CNNM1: variants seen among roughly 807,000 people sequenced by gnomAD.
CNNM1 encodes the protein metal transporter CNNM1.
Under a neutral mutation model 78.8 loss-of-function variants are expected in CNNM1, and 44 were observed. The ratio of observed to expected loss-of-function variants is 0.56; its 90% CI spans 0.44 to 0.72. The LOEUF (loss-of-function observed/expected upper bound fraction) is 0.72. Ranked by LOEUF, CNNM1 falls within the 30% of genes least tolerant of loss-of-function variation. CNNM1 has a pLI of 0.00. For synonymous variants in CNNM1, 584 were observed against 581.5 expected (o/e 1.00, Z -0.06); for missense variants, 1,101 against 1,292.2 (o/e 0.85, Z 2.27).
rs545600881 is a variant in CNNM1 at position 99,383,206 on chromosome 10, G to C, written c.2341-4614G>C. On this transcript the variant is annotated intron_variant, in intron 7 of 10. Coordinates refer to ENST00000356713, the MANE Select transcript of CNNM1 (RefSeq NM_020348.3). ...GAAGCTTAAGGTAAGTTAAATAATA[G>C]TGACCAATGCAGGGTACTATCTAAT... 3.3e-5 allele frequency among the ~76,000 whole-genome samples: 5 copies of C among 152,296 alleles called. No homozygotes were observed. In the East Asian group the frequency reaches 9.7e-4, roughly 29 times the overall value.
At chr10:99,386,072 C>T (rs767275964) in intron 7 of CNNM1, among the ~76,000 whole-genome samples, 27 of 152,222 alleles carry the variant, frequency 1.8e-4, no homozygotes, top group Non-Finnish European at 3.5e-4. Context: ...AACATTGAAT[C>T]GATTGAAGAC....
Position 99,330,115 on chromosome 10 carries a change from G to A in CNNM1, c.728G>A (p.Arg243His). The A allele has an allele frequency of 6.5e-7, 1 of 1,549,352 alleles. No homozygotes were observed. The highest frequency in any genetic ancestry group is 8.7e-7 in the Non-Finnish European group (1 of 1,154,806). ...TTGTCGGCCCTGTTCAGCGGCCTGC[G>A]CCTGAGCCTGCTGTCGCTGGACCCG... ...LALSALFSGLRLSLLSLDPVE... is the reference protein window; with the variant it reads ...LALSALFSGLHLSLLSLDPVE... Residue 243 changes from arginine (R) to histidine (H), a missense_variant, in exon 1 of 11, where the codon CGC (arginine) becomes CAC (histidine). By Grantham distance (29) the Arg-to-His change is conservative. This residue lies in a region of CNNM1 where 476 missense variants were observed against 484.5 expected (regional missense o/e 0.98). Coordinates refer to ENST00000356713, the MANE Select transcript of CNNM1 (RefSeq NM_020348.3).
intron 1 of CNNM1, among the ~76,000 whole-genome samples, chr10:99,340,162 G>GT (rs890555307): frequency 1.3e-5 from 2 of 152,040 alleles, no homozygotes; most frequent in African/African-American, 4.8e-5. Flanking sequence ...AACTTGTGGG[G>GT]TTTTTTTCCT....
rs1193027786 is a variant in CNNM1 at position 99,360,987 on chromosome 10, C to T, written c.1858+12C>T. The T allele has an allele frequency of 1.3e-6, 2 of 1,594,690 alleles. No homozygotes were observed. The highest frequency in any genetic ancestry group is 1.7e-5 in the Admixed American group (1 of 58,390). On this transcript the variant is annotated intron_variant, in intron 3 of 10. Transcript: ENST00000356713. ...CTTCATGGCCACAGGTAGGACAAGTCTCCACTCCAGAGAAGCTAAAACAGA... is the reference window on the plus strand; with the variant it reads ...CTTCATGGCCACAGGTAGGACAAGTTTCCACTCCAGAGAAGCTAAAACAGA...
At chr10:99,347,856 C>T (rs1443624268) in intron 1 of CNNM1, among the ~76,000 whole-genome samples, 2 of 152,130 alleles carry the variant, frequency 1.3e-5, no homozygotes, top group South Asian at 2.1e-4. Flanking sequence ...CCCTACCTCA[C>T]CGCCTTCAGG....
At chr10:99,390,583 T>C (rs1336607244) in intron 10 of CNNM1, among the ~76,000 whole-genome samples, 176 bp downstream of exon 10, 1 of 152,216 alleles carries the variant, frequency 6.6e-6, no homozygotes, top group Non-Finnish European at 1.5e-5. Flanking sequence ...CTTGATAGTT[T>C]TGGGATCTGT....
At chr10:99,388,832 A>C (rs951795964) in intron 9 of CNNM1, among the ~76,000 whole-genome samples, 2 of 152,132 alleles carry the variant, frequency 1.3e-5, no homozygotes, top group Non-Finnish European at 2.9e-5. Flanking sequence ...TGTGGTTTTG[A>C]CCAAAGGTGT....
chr10:99,368,773 C>A, intron 6 of CNNM1: 1 of 863,944 alleles, frequency 1.2e-6, no homozygotes, highest in Non-Finnish European at 1.7e-6. Flanking sequence ...GAGAACTAAT[C>A]ACTCCAACAG....
rs1164081196 is a variant in CNNM1, at chr10:99,362,245, C to G, written c.1877C>G (p.Ser626Cys). 2 of 1,613,060 alleles carry G rather than the reference C, an allele frequency of 1.2e-6. No individual in the cohort carries two copies. The highest frequency in any genetic ancestry group is 3.3e-5 in the Admixed American group (2 of 59,962). Residue 626 changes from serine (S) to cysteine (C), a missense_variant, in exon 4 of 11, where the codon TCT (serine) becomes TGT (cysteine). Transcript: ENST00000356713. ...FMATEVEPFK[S>C]LYLSEKILLR... is the part of the protein sequence containing the mutation. ...CCTCTAGAAGTGGAGCCCTTTAAGTCTCTGTACCTTTCGGAGAAGATCCTG... is the reference window on the plus strand; with the variant it reads ...CCTCTAGAAGTGGAGCCCTTTAAGTGTCTGTACCTTTCGGAGAAGATCCTG...
At chr10:99,384,930 G>T (rs183366039) in intron 7 of CNNM1, among the ~76,000 whole-genome samples, 1 of 151,842 alleles carries the variant, frequency 6.6e-6, no homozygotes, top group Non-Finnish European at 1.5e-5. Flanking sequence ...TAAGCTGGGC[G>T]TCGTGGTGTG....
chr10:99,387,488 A>C (rs1482626168), intron 7 of CNNM1, among the ~76,000 whole-genome samples: 1 of 152,178 alleles, frequency 6.6e-6, no homozygotes, highest in Admixed American at 6.5e-5. Context: ...GGCCTTTGGC[A>C]ATAGTATAAA....
At chr10:99,373,619 A>T (rs373451831) in intron 6 of CNNM1, among the ~76,000 whole-genome samples, 7 of 152,100 alleles carry the variant, frequency 4.6e-5, no homozygotes, top group Admixed American at 4.6e-4. Context: ...TGTTACATAG[A>T]TATATTACAT....
At chr10:99,388,341 C>A (rs542956916) in intron 9 of CNNM1, 40 bp downstream of exon 9, 3 of 1,598,496 alleles carry the variant, frequency 1.9e-6, no homozygotes, top group Non-Finnish European at 2.6e-6. Flanking sequence ...CAAGGGAGAT[C>A]ATTGCCTTTG....
rs1375911155 is a variant in CNNM1 at position 99,391,710 on chromosome 10, C to T, written c.*194C>T. The T allele has an allele frequency of 1.8e-6, 1 of 564,270 alleles. No homozygotes were observed. The highest frequency in any genetic ancestry group is 3.2e-6 in the Non-Finnish European group (1 of 315,298). 35.0% of individuals were successfully genotyped at this position (564,270 alleles called of 1,614,324 possible). A position where few individuals can be genotyped will look rare whatever the true frequency, so the allele number is the denominator to read the frequency against. On this transcript the variant is annotated 3_prime_UTR_variant, in exon 11 of 11. Transcript: ENST00000356713. ...CCTCCAGTTCGACTCAGAACCTTGA[C>T]ATGGCCATAACAGAAGGAGGTGCCT...
rs372690797 is a variant in CNNM1, at chr10:99,386,104, G to C, written c.2341-1716G>C. On this transcript the variant is annotated intron_variant, in intron 7 of 10. Transcript: ENST00000356713. ...AGACTTTGGATAAATGCTAAGTGGA[G>C]ACCTGTGGTTCCATGCCATAAAGCA... Among the ~76,000 whole-genome samples, 55 of 152,306 alleles carry C rather than the reference G, an allele frequency of 3.6e-4. 2 individuals carry two copies. The highest frequency in any genetic ancestry group is 2.7e-3 in the East Asian group (14 of 5,186).
chr10:99,369,331 C>T (rs990362777), intron 6 of CNNM1, among the ~76,000 whole-genome samples: 2 of 152,150 alleles, frequency 1.3e-5, no homozygotes, highest in African/African-American at 4.8e-5. Flanking sequence ...TTCTCTTGGG[C>T]TCATAGAGCA....
intron 1 of CNNM1, among the ~76,000 whole-genome samples, chr10:99,347,187 G>T (rs1259390871): frequency 6.9e-6 from 1 of 145,672 alleles, no homozygotes; most frequent in Non-Finnish European, 1.5e-5. Flanking sequence ...TAAAATAAAA[G>T]TTAAAAGAAA....
intron 1 of CNNM1, among the ~76,000 whole-genome samples, chr10:99,348,278 C>G (rs1247653770): frequency 6.6e-6 from 1 of 151,688 alleles, no homozygotes; most frequent in African/African-American, 2.4e-5. Flanking sequence ...ACCCCTGGGC[C>G]CAAGCAGTCC....
intron 7 of CNNM1, among the ~76,000 whole-genome samples, chr10:99,387,110 C>T (rs1438168144): frequency 6.6e-6 from 1 of 152,192 alleles, no homozygotes; most frequent in African/African-American, 2.4e-5. Flanking sequence ...GTGACAGAGA[C>T]ACCCTCCTGC....
Sources: gnomAD v4.1 joint callset for allele counts (sites outside exome capture counted in the v4.1 genomes callset) on GRCh38, gnomAD v4.1.1 for gene constraint, gnomAD v4.1.1 regional missense constraint, MANE v1.5 for transcripts, NCBI Gene and HGNC (gene_info 2026-07-23, HGNC 2026-07-21) for gene names.